RIPOR1: variants seen among roughly 807,000 people sequenced by gnomAD.
RIPOR1 encodes the protein RHO family interacting cell polarization regulator 1, also known as rho family-interacting cell polarization regulator 1.
A neutral mutation model predicts 116.5 loss-of-function variants in RIPOR1; 58 were observed. The observed-to-expected ratio is 0.50, with a 90% CI of 0.40 to 0.62. The LOEUF is 0.62. Ranked by LOEUF, RIPOR1 falls within the 20% of genes least tolerant of loss-of-function variation. The pLI is 0.00. For synonymous variants in RIPOR1, 605 were observed against 650.0 expected (o/e 0.93, Z 1.05); for missense variants, 1,372 against 1,586.2 (o/e 0.86, Z 2.29).
At position 67,541,556 on chromosome 16, in the gene RIPOR1, C is replaced by T; in HGVS notation, c.928C>T (p.Leu310Phe). ...TATCAATGACCTTGGTACCATCAAG[C>T]TCAGCCTGGAAGTCACATGGAGGTT... ...VDINDLGTIK[L>F]SLEVTWSPFD... Residue 310 changes from leucine (L) to phenylalanine (F), a missense_variant, in exon 11 of 22, where the codon CTC becomes TTC. Transcript: ENST00000042381. The surrounding 1 kb of genome is among the most constrained non-coding windows in gnomAD (Gnocchi z 4.6). 1 of 1,614,088 alleles carries T rather than the reference C, an allele frequency of 6.2e-7. No individual in the cohort carries two copies. Among genetic ancestry groups the T allele is most frequent in the Non-Finnish European group, 8.5e-7 (1 of 1,179,980 alleles).
Position 67,546,441 on chromosome 16 carries a change from G to T in RIPOR1, c.3638G>T (p.Ser1213Ile). ...CTGCCCCGCATCTTTGGGCCTGGCA[G>T]CATGGCCAGCACAGCATTCTAAACT... is the stretch of plus-strand genomic sequence containing the variant. ...DALPRIFGPG[S>I]MASTAF is the part of the protein sequence containing the mutation. The change falls in exon 22 of 22, where the codon AGC becomes ATC. Residue 1213 changes from serine to isoleucine, a missense_variant. By Grantham distance (142) the Ser-to-Ile change is moderately radical (BLOSUM62 -2). This residue lies in a region of RIPOR1 where 1,005 missense variants were observed against 1,144.7 expected (regional missense o/e 0.88). Coordinates refer to ENST00000042381, the MANE Select transcript of RIPOR1 (RefSeq NM_024519.4). The T allele has an allele frequency of 6.2e-7, 1 of 1,614,040 alleles. No homozygotes were observed. Among genetic ancestry groups the T allele is most frequent in the Non-Finnish European group, 8.5e-7 (1 of 1,179,988 alleles).
At chr16:67,523,335 G>A (rs1481642757) in intron 1 of RIPOR1, among the ~76,000 whole-genome samples, 1 of 151,942 alleles carries the variant, frequency 6.6e-6, no homozygotes, top group African/African-American at 2.4e-5. Flanking sequence ...AGACCAGCCT[G>A]GCCAACATGG....
Position 67,540,572 on chromosome 16 carries a change from C to A in RIPOR1, c.676-7C>A. 6.2e-7 allele frequency: 1 copy of A among 1,613,918 alleles called. No homozygotes were observed. The highest frequency in any genetic ancestry group is 8.5e-7 in the Non-Finnish European group (1 of 1,179,882). ...CCTAGGCTGCCTCATCCTACCTGTTCCCCCAGATCTGCATGAAATATGGGC... is the reference window on the plus strand; with the variant it reads ...CCTAGGCTGCCTCATCCTACCTGTTACCCCAGATCTGCATGAAATATGGGC... On this transcript the variant is annotated splice_polypyrimidine_tract_variant and splice_region_variant and intron_variant, in intron 9 of 21. Transcript: ENST00000042381. The surrounding 1 kb of genome is among the most constrained non-coding windows in gnomAD (Gnocchi z 4.7).
In RIPOR1 at chr16:67,542,110, G is replaced by A. The variant is rs202199995; in HGVS notation, c.1324G>A (p.Ala442Thr). The A allele has an allele frequency of 8.1e-6, 13 of 1,612,592 alleles. No individual in the cohort carries two copies. The East Asian group carries it at 2.7e-4, about 33-fold the overall frequency. The change falls in exon 13 of 22, where the codon GCA becomes ACA. Residue 442 changes from alanine to threonine, a missense_variant. This residue lies in a region of RIPOR1 where 1,005 missense variants were observed against 1,144.7 expected (regional missense o/e 0.88). Coordinates refer to ENST00000042381, the MANE Select transcript of RIPOR1 (RefSeq NM_024519.4). The surrounding 1 kb of genome is among the most constrained non-coding windows in gnomAD (Gnocchi z 4.6). ...GGCCCCAGTCCTGGCAAATGGGCATGCACCCTACAGTCGGACTCTGAGCCA... is the reference window on the plus strand; with the variant it reads ...GGCCCCAGTCCTGGCAAATGGGCATACACCCTACAGTCGGACTCTGAGCCA... ...AVAPVLANGH[A>T]PYSRTLSHIS...
Position 67,537,469 on chromosome 16 carries a change from A to G in RIPOR1, c.-23-955A>G. ...GCGGCGCCGGGAGGAGCCGAAGCCGAGCCAGAGCCGCTGGGAGCGAGCCCG... is the reference window on the plus strand; with the variant it reads ...GCGGCGCCGGGAGGAGCCGAAGCCGGGCCAGAGCCGCTGGGAGCGAGCCCG... On this transcript the variant is annotated intron_variant, in intron 1 of 21. Coordinates refer to ENST00000042381, the MANE Select transcript of RIPOR1 (RefSeq NM_024519.4). The surrounding 1 kb of genome is among the most constrained non-coding windows in gnomAD (Gnocchi z 4.6). The G allele has an allele frequency of 8.0e-7, 1 of 1,248,398 alleles. No individual in the cohort carries two copies. The highest frequency in any genetic ancestry group is 1.0e-6 in the Non-Finnish European group (1 of 995,410). The allele number at this position is 1,248,398 out of a possible 1,614,324, so 77.3% of individuals were successfully genotyped here. A position where few individuals can be genotyped will look rare whatever the true frequency, so the allele number is the denominator to read the frequency against.
At position 67,542,666 on chromosome 16, in the gene RIPOR1, C is replaced by T. The variant is rs2051025922; in HGVS notation, c.1880C>T (p.Thr627Ile). The change falls in exon 13 of 22, where the codon ACA becomes ATA. Residue 627 changes from threonine (T) to isoleucine (I), a missense_variant. This residue lies in a region of RIPOR1 where 1,005 missense variants were observed against 1,144.7 expected (regional missense o/e 0.88). Coordinates refer to ENST00000042381, the MANE Select transcript of RIPOR1 (RefSeq NM_024519.4). This position sits in a 1 kb window ranked among gnomAD's most constrained non-coding sequence, Gnocchi z 4.6. Reference sequence around the variant, plus strand: ...TCCACAAGCCCCACCCATACCCCCACAAGTCCCACCCACAAAACCAGTATG... The same window carrying T: ...TCCACAAGCCCCACCCATACCCCCATAAGTCCCACCCACAAAACCAGTATG... The part of the protein sequence containing the change: ...HTSTSPTHTP[T>I]SPTHKTSMSP... 1 of 1,613,520 alleles carries T rather than the reference C, an allele frequency of 6.2e-7. No individual in the cohort carries two copies. Among genetic ancestry groups the T allele is most frequent in the Non-Finnish European group, 8.5e-7 (1 of 1,179,812 alleles).
Position 67,544,092 on chromosome 16 carries a change from C to T in RIPOR1, c.2601-207C>T, listed in dbSNP as rs1004769004. On this transcript the variant is annotated intron_variant, in intron 14 of 21. Coordinates refer to ENST00000042381, the MANE Select transcript of RIPOR1 (RefSeq NM_024519.4). The surrounding 1 kb of genome is among the most constrained non-coding windows in gnomAD (Gnocchi z 5.1). ...GTGGTCCCAGCTGGAGGTAGCATGGCGCAGACTGACTCCAGAGATCCCTAC... is the reference window on the plus strand; with the variant it reads ...GTGGTCCCAGCTGGAGGTAGCATGGTGCAGACTGACTCCAGAGATCCCTAC... 1.8e-4 allele frequency among the ~76,000 whole-genome samples: 27 copies of T among 152,164 alleles called. 1 individual carries two copies. In the South Asian group the frequency reaches 2.5e-3, roughly 14 times the overall value.
rs2051167887 is a variant in RIPOR1 at position 67,546,346 on chromosome 16, C to T, written c.3563-20C>T. On this transcript the variant is annotated intron_variant, in intron 21 of 21. Coordinates refer to ENST00000042381, the MANE Select transcript of RIPOR1 (RefSeq NM_024519.4). ...GGATGGGGCTAGGGCCACCCTTGAC[C>T]TCATCCTCACTCATTACAGGAGAAG... 6.2e-7 allele frequency: 1 copy of T among 1,612,626 alleles called. No homozygotes were observed. Among genetic ancestry groups the T allele is most frequent in the Non-Finnish European group, 8.5e-7 (1 of 1,178,792 alleles).
chr16:67,543,253 A>T lies in RIPOR1; in HGVS notation c.2467A>T (p.Ser823Cys). The change falls in exon 13 of 22, where the codon AGT becomes TGT. Residue 823 changes from serine to cysteine, a missense_variant. By Grantham distance (112) the Ser-to-Cys change is moderately radical (BLOSUM62 -1). Coordinates refer to ENST00000042381, the MANE Select transcript of RIPOR1 (RefSeq NM_024519.4). The surrounding 1 kb of genome is among the most constrained non-coding windows in gnomAD (Gnocchi z 4.7). ...GGAGCAGGAGGTGACCCGCCTAGAA[A>T]GTCTGCTCATGGTGAGGAGGGCTGG... ...GLEQEVTRLE[S>C]LLMQRQGLTR... 1 of 1,598,366 alleles carries T rather than the reference A, an allele frequency of 6.3e-7. No homozygotes were observed. The highest frequency in any genetic ancestry group is 8.5e-7 in the Non-Finnish European group (1 of 1,171,040).
In RIPOR1 at chr16:67,540,394, G is replaced by C. The variant is rs1271969514; in HGVS notation, c.631+31G>C. 6.2e-7 allele frequency: 1 copy of C among 1,614,086 alleles called. No homozygotes were observed. Among genetic ancestry groups the C allele is most frequent in the Admixed American group, 1.7e-5 (1 of 60,012 alleles). ...GAGTTGTGGGGGCAGGTGGGGGGCT[G>C]GAGGGAGTATGCTGAAGAACCCCAA... On this transcript the variant is annotated intron_variant, in intron 8 of 21. Coordinates refer to ENST00000042381, the MANE Select transcript of RIPOR1 (RefSeq NM_024519.4). This position sits in a 1 kb window ranked among gnomAD's most constrained non-coding sequence, Gnocchi z 4.7.
At chr16:67,538,329 C>T in intron 1 of RIPOR1, 95 bp from the exon 2 acceptor site, 1 of 1,455,042 alleles carries the variant, frequency 6.9e-7, no homozygotes, top group Non-Finnish European at 9.2e-7. Flanking sequence ...CTGTGCCTAG[C>T]GACAGGAAAG....
rs528184296 is a variant in RIPOR1, at chr16:67,538,084, G to A, written c.-23-340G>A. The A allele has an allele frequency of 1.0e-3, 265 of 255,222 alleles. 1 individual carries two copies. The highest frequency in any genetic ancestry group is 5.6e-3 in the African/African-American group (252 of 45,224). 15.8% of individuals were successfully genotyped at this position (255,222 alleles called of 1,614,324 possible). On this transcript the variant is annotated intron_variant, in intron 1 of 21. Coordinates refer to ENST00000042381, the MANE Select transcript of RIPOR1 (RefSeq NM_024519.4). ...GGCTGCCCCGCCCCCGGGTAAACAGGCGCTTCCGCACATTCTTCGCGCGCG... is the reference window on the plus strand; with the variant it reads ...GGCTGCCCCGCCCCCGGGTAAACAGACGCTTCCGCACATTCTTCGCGCGCG...
chr16:67,541,252 TTGA>T lies in RIPOR1; in HGVS notation c.802-177_802-175del. 1 of 577,386 alleles carries T rather than the reference TTGA, an allele frequency of 1.7e-6. No individual in the cohort carries two copies. The allele number at this position is 577,386 out of a possible 1,614,324, so 35.8% of individuals were successfully genotyped here. The stretch of plus-strand genomic sequence containing the variant: ...CTAAAAATTTTTTTTTTTTTTTTTT[TTGA>T]GACAGAGTCTTGCCATGTTGCCCAA... On this transcript the variant is annotated intron_variant, in intron 10 of 21. Coordinates refer to ENST00000042381, the MANE Select transcript of RIPOR1 (RefSeq NM_024519.4). The surrounding 1 kb of genome is among the most constrained non-coding windows in gnomAD (Gnocchi z 4.6).
intron 1 of RIPOR1, chr16:67,518,689 T>G (rs1597607521): frequency 6.6e-6 from 1 of 152,446 alleles, no homozygotes; most frequent in African/African-American, 2.4e-5. Context: ...TTGCTCCCTC[T>G]GGAACTCAGT....
rs1597608309 is a variant in RIPOR1 at position 67,519,664 on chromosome 16, C to A, written c.-24+1051C>A. On this transcript the variant is annotated intron_variant, in intron 1 of 1. Coordinates refer to the RIPOR1 transcript ENST00000562116. ...GCAGTTCTGAAGGGAGGAGATGGGG[C>A]TGACTTTACACAATGGATTTGGAGG... is the stretch of plus-strand genomic sequence containing the variant. Among the ~76,000 whole-genome samples the A allele has an allele frequency of 4.6e-5, 7 of 152,036 alleles. No homozygotes were observed. In the South Asian group the frequency reaches 1.5e-3, roughly 32 times the overall value.
In RIPOR1 at chr16:67,544,517, CCT is replaced by C. The variant is rs2051101010; in HGVS notation, c.2733+89_2733+90del. 1 of 1,542,306 alleles carries C rather than the reference CCT, an allele frequency of 6.5e-7. No homozygotes were observed. Among genetic ancestry groups the C allele is most frequent in the Admixed American group, 1.7e-5 (1 of 57,554 alleles). ...CCTTCCATCCTGGTCCTCTATACCT[CCT>C]CTGAGTGCCACACCCCAGTGCCCCA... is the stretch of plus-strand genomic sequence containing the variant. On this transcript the variant is annotated intron_variant, in intron 15 of 21. Coordinates refer to ENST00000042381, the MANE Select transcript of RIPOR1 (RefSeq NM_024519.4). This position sits in a 1 kb window ranked among gnomAD's most constrained non-coding sequence, Gnocchi z 5.1.
rs2051150508 is a variant in RIPOR1, at chr16:67,545,912, A to G, written c.3388-37A>G. 6.2e-7 allele frequency: 1 copy of G among 1,613,288 alleles called. No individual in the cohort carries two copies. Among genetic ancestry groups the G allele is most frequent in the Non-Finnish European group, 8.5e-7 (1 of 1,179,660 alleles). On this transcript the variant is annotated intron_variant, in intron 19 of 21. Coordinates refer to ENST00000042381, the MANE Select transcript of RIPOR1 (RefSeq NM_024519.4). This position sits in a 1 kb window ranked among gnomAD's most constrained non-coding sequence, Gnocchi z 4.8. Reference sequence around the variant, plus strand: ...GCGAGGGCTGGGGTCCTGGACTCCCACTGTCTGGCTAAGTCTGTCCTCCCA... The same window carrying G: ...GCGAGGGCTGGGGTCCTGGACTCCCGCTGTCTGGCTAAGTCTGTCCTCCCA...
In RIPOR1 at chr16:67,529,417, G is replaced by A. The variant is rs957778994; in HGVS notation, c.-24+503G>A. ...GCCGGCCCCGAGGTGACCGAGCCTG[G>A]GCTGGAGCCGGGCTCTCCGCCCAAA... On this transcript the variant is annotated intron_variant, in intron 1 of 21. Transcript: ENST00000042381. This position sits in a 1 kb window ranked among gnomAD's most constrained non-coding sequence, Gnocchi z 4.1. 8.2e-5 allele frequency: 19 copies of A among 232,606 alleles called. No individual in the cohort carries two copies. Among genetic ancestry groups the A allele is most frequent in the Non-Finnish European group, 1.1e-4 (13 of 118,360 alleles). 14.4% of individuals were successfully genotyped at this position (232,606 alleles called of 1,614,324 possible). A position where few individuals can be genotyped will look rare whatever the true frequency, so the allele number is the denominator to read the frequency against.
rs1486600096 is a variant in RIPOR1 at position 67,543,093 on chromosome 16, C to T, written c.2307C>T (p.Cys769=). Residue 769 remains cysteine (C), a synonymous_variant, in exon 13 of 22, where the codon TGC becomes TGT. Transcript: ENST00000042381. The surrounding 1 kb of genome is among the most constrained non-coding windows in gnomAD (Gnocchi z 4.7). ...CTGCACCCCAGCATTCAGACCTTTG[C>T]CTGGCCATGGCTGTCCAGACCCCAG... The part of the protein sequence containing the change: ...PTPAPQHSDL[C]LAMAVQTPVP... 8.5e-6 allele frequency: 13 copies of T among 1,522,422 alleles called. No homozygotes were observed. The highest frequency in any genetic ancestry group is 2.2e-5 in the Admixed American group (1 of 44,776). The allele number at this position is 1,522,422 out of a possible 1,614,324, so 94.3% of individuals were successfully genotyped here. A position where few individuals can be genotyped will look rare whatever the true frequency, so the allele number is the denominator to read the frequency against.
Sources: gnomAD v4.1 joint callset for allele counts (sites outside exome capture counted in the v4.1 genomes callset) on GRCh38, gnomAD v4.1.1 for gene constraint, gnomAD v4.1.1 regional missense constraint, Gnocchi (gnomAD v3.1) non-coding constraint, MANE v1.5 for transcripts, NCBI Gene and HGNC (gene_info 2026-07-23, HGNC 2026-07-21) for gene names.